Variants in CSNK2A2IP observed in about 807,000 individuals in gnomAD.
CSNK2A2IP encodes the protein casein kinase 2 subunit alpha' interacting protein, also known as casein kinase II subunit alpha'-interacting protein.
At chr3:88,388,031 G>A in the CSNK2A2IP span, among the ~76,000 whole-genome samples, 2 of 152,270 alleles carry the variant, frequency 1.3e-5, no homozygotes, top group Middle Eastern at 3.4e-3. Flanking sequence ...CTTTCCCATA[G>A]TGTTTCCCCA....
chr3:88,421,151 A>G, the CSNK2A2IP span, among the ~76,000 whole-genome samples: 1 of 152,132 alleles, frequency 6.6e-6, no homozygotes, highest in East Asian at 1.9e-4. Context: ...CATTCTTTAA[A>G]AAACCCTTCC....
At chr3:88,407,063 G>T in the CSNK2A2IP span, among the ~76,000 whole-genome samples, 1 of 152,070 alleles carries the variant, frequency 6.6e-6, no homozygotes, top group Non-Finnish European at 1.5e-5. Flanking sequence ...CCCTCAAGTA[G>T]ACCACAAAGC....
the CSNK2A2IP span, among the ~76,000 whole-genome samples, chr3:88,361,202 A>G: frequency 9.2e-5 from 14 of 152,086 alleles, no homozygotes; most frequent in Admixed American, 8.5e-4. Context: ...TTTACCAGTG[A>G]GTGTGTTATA....
At chr3:88,373,157 T>C in the CSNK2A2IP span, among the ~76,000 whole-genome samples, 3 of 151,458 alleles carry the variant, frequency 2.0e-5, no homozygotes, top group African/African-American at 7.3e-5. Flanking sequence ...TAAAATACTC[T>C]AGCCAGCAAC....
chr3:88,375,646 A>T, the CSNK2A2IP span, among the ~76,000 whole-genome samples: 2 of 151,794 alleles, frequency 1.3e-5, no homozygotes, highest in Non-Finnish European at 2.9e-5. Flanking sequence ...CTAAAAACCC[A>T]AACTACAGCA....
At chr3:88,348,920 C>T in the CSNK2A2IP span, among the ~76,000 whole-genome samples, 3 of 151,856 alleles carry the variant, frequency 2.0e-5, no homozygotes, top group Admixed American at 6.6e-5. Flanking sequence ...TTTCTTTCTG[C>T]CCTTTCCCAA....
the CSNK2A2IP span, among the ~76,000 whole-genome samples, chr3:88,362,421 G>A: frequency 6.6e-6 from 1 of 152,200 alleles, no homozygotes; most frequent in Non-Finnish European, 1.5e-5. Flanking sequence ...TGGATTTCCA[G>A]GTGAAGTCTT....
the CSNK2A2IP span, among the ~76,000 whole-genome samples, chr3:88,424,550 A>G: frequency 6.6e-6 from 1 of 152,196 alleles, no homozygotes; most frequent in East Asian, 1.9e-4. Flanking sequence ...AAGAAAAGCA[A>G]TCATTTCCTT....
At chr3:88,363,512 T>C in the CSNK2A2IP span, among the ~76,000 whole-genome samples, 1 of 152,204 alleles carries the variant, frequency 6.6e-6, no homozygotes, top group African/African-American at 2.4e-5. Context: ...TGGGGATCAG[T>C]TTCATTTTAC....
At chr3:88,386,193 C>T in the CSNK2A2IP span, among the ~76,000 whole-genome samples, 7 of 151,856 alleles carry the variant, frequency 4.6e-5, no homozygotes, top group Non-Finnish European at 5.9e-5. Context: ...GGCGTGATCT[C>T]GGTTTACTGC....
the CSNK2A2IP span, among the ~76,000 whole-genome samples, chr3:88,456,359 C>T: frequency 1.3e-5 from 2 of 151,986 alleles, no homozygotes; most frequent in Non-Finnish European, 2.9e-5. Context: ...TGAGTTTTCA[C>T]CAATTCTTTT....
the CSNK2A2IP span, among the ~76,000 whole-genome samples, chr3:88,456,851 T>C: frequency 6.6e-6 from 1 of 152,170 alleles, no homozygotes; most frequent in African/African-American, 2.4e-5. Context: ...CTGTTTTGGC[T>C]ATTGCTGTTT....
chr3:88,342,004 T>C, the CSNK2A2IP span, among the ~76,000 whole-genome samples: 3 of 152,020 alleles, frequency 2.0e-5, no homozygotes, highest in African/African-American at 7.2e-5. Context: ...CATTCCCAGA[T>C]TGCTGACATA....
At chr3:88,401,093 T>C in the CSNK2A2IP span, among the ~76,000 whole-genome samples, 1 of 152,150 alleles carries the variant, frequency 6.6e-6, no homozygotes, top group African/African-American at 2.4e-5. Flanking sequence ...TATCATATGT[T>C]ATTGAGCAGT....
At chr3:88,462,956 T>C in the CSNK2A2IP span, among the ~76,000 whole-genome samples, 2 of 152,146 alleles carry the variant, frequency 1.3e-5, no homozygotes, top group Admixed American at 6.5e-5. Context: ...AAAAGAATGA[T>C]GTAAGGCTTG....
At chr3:88,467,012 G>A in the CSNK2A2IP span, 2 of 1,196,084 alleles carry the variant, frequency 1.7e-6, no homozygotes, top group Admixed American at 8.5e-5. Context: ...AACCTTGAAG[G>A]AGTAGAGAAG....
At chr3:88,457,933 A>T in the CSNK2A2IP span, among the ~76,000 whole-genome samples, 1 of 151,758 alleles carries the variant, frequency 6.6e-6, no homozygotes, top group Non-Finnish European at 1.5e-5. Flanking sequence ...CAACTTATTT[A>T]CTAGAGATAG....
the CSNK2A2IP span, among the ~76,000 whole-genome samples, chr3:88,457,067 A>C: frequency 5.3e-4 from 81 of 152,256 alleles, 1 homozygote; most frequent in South Asian, 0.016. Context: ...AACAGACTTT[A>C]ATAGCATTTT....
the CSNK2A2IP span, chr3:88,465,354 C>G: frequency 8.1e-7 from 1 of 1,231,384 alleles, no homozygotes; most frequent in Non-Finnish European, 1.0e-6. Context: ...TACTACAACA[C>G]AAGATGGTGC....
Sources: allele counts gnomAD v4.1 joint callset (sites outside exome capture counted in the v4.1 genomes callset), GRCh38; gene constraint gnomAD v4.1.1; transcripts MANE v1.5; gene names NCBI Gene and HGNC (gene_info 2026-07-23, HGNC 2026-07-21).